VWC2: variants seen among roughly 807,000 people sequenced by gnomAD.
VWC2 encodes the protein von Willebrand factor C domain containing 2.
In VWC2, 14 loss-of-function variants were observed where a neutral mutation model predicts 29.8. That is an observed-to-expected ratio of 0.47 (90% CI 0.31 to 0.74). The LOEUF (loss-of-function observed/expected upper bound fraction) is 0.74, where lower values mean the gene tolerates loss of function less well. Among genes scored for constraint, VWC2 ranks in the 30% least tolerant of loss-of-function variants. The pLI is 0.05. For synonymous variants in VWC2, 213 were observed against 199.0 expected (o/e 1.07, Z -0.59); for missense variants, 457 against 459.8 (o/e 0.99, Z 0.05).
intron 3 of VWC2, among the ~76,000 whole-genome samples, chr7:49,804,331 G>C (rs577695254): frequency 2.1e-4 from 32 of 152,162 alleles, no homozygotes; most frequent in African/African-American, 7.2e-4. Flanking sequence ...GCAGAGTCTC[G>C]GTGTGGCTTT....
In VWC2 at chr7:49,917,806, A is replaced by G. The variant is rs1430636550; in HGVS notation, c.*5621A>G. 6.6e-6 allele frequency: 1 copy of G among 151,296 alleles called. No homozygotes were observed. Among genetic ancestry groups the G allele is most frequent in the Non-Finnish European group, 1.5e-5 (1 of 67,940 alleles). 9.4% of individuals were successfully genotyped at this position (151,296 alleles called of 1,614,324 possible). On this transcript the variant is annotated 3_prime_UTR_variant, in exon 4 of 4. Transcript: ENST00000340652. ...TCTATTATTTGAATTTCTGTAATTT[A>G]TGTTTTAGAAAGAACTGTTTCCAAA... is the stretch of plus-strand genomic sequence containing the variant.
At chr7:49,785,449 G>C (rs946393898) in intron 2 of VWC2, among the ~76,000 whole-genome samples, 1 of 152,160 alleles carries the variant, frequency 6.6e-6, no homozygotes, top group Non-Finnish European at 1.5e-5. Context: ...AGATTGTAGA[G>C]TATGGGAGAA....
At chr7:49,832,073 TC>T (rs1789544883) in intron 3 of VWC2, among the ~76,000 whole-genome samples, 1 of 152,126 alleles carries the variant, frequency 6.6e-6, no homozygotes, top group Non-Finnish European at 1.5e-5. Context: ...GTTCAGTTGA[TC>T]AGTGGGGACA....
chr7:49,830,787 C>T lies in VWC2; in HGVS notation c.826+27947C>T, dbSNP rs181961204. The stretch of plus-strand genomic sequence containing the variant: ...TGTGGTGTTTGGTTTTTTGTCCTTG[C>T]GATAGTTTGCTGAGAATGATGATTT... On this transcript the variant is annotated intron_variant, in intron 3 of 3. Coordinates refer to ENST00000340652, the MANE Select transcript of VWC2 (RefSeq NM_198570.5). Among the ~76,000 whole-genome samples, 21 of 152,106 alleles carry T rather than the reference C, an allele frequency of 1.4e-4. No individual in the cohort carries two copies. The East Asian group carries it at 2.7e-3, about 20-fold the overall frequency.
At chr7:49,893,283 G>C (rs1327623167) in intron 3 of VWC2, among the ~76,000 whole-genome samples, 1 of 152,132 alleles carries the variant, frequency 6.6e-6, no homozygotes, top group African/African-American at 2.4e-5. Flanking sequence ...GTTCCCAGAG[G>C]GCTGGAAGGA....
intron 3 of VWC2, among the ~76,000 whole-genome samples, chr7:49,808,610 G>A (rs1583641915): frequency 6.6e-6 from 1 of 151,982 alleles, no homozygotes; most frequent in South Asian, 2.1e-4. Context: ...GTCTACAGTT[G>A]ACCCTATGCT....
intron 3 of VWC2, among the ~76,000 whole-genome samples, chr7:49,832,379 A>G (rs1291934920): frequency 2.0e-5 from 3 of 152,070 alleles, no homozygotes; most frequent in Non-Finnish European, 4.4e-5. Flanking sequence ...ATAGAACCTC[A>G]TTCTATTTTC....
intron 3 of VWC2, among the ~76,000 whole-genome samples, chr7:49,826,328 T>A (rs970369428): frequency 1.3e-5 from 2 of 152,170 alleles, no homozygotes; most frequent in Admixed American, 6.6e-5. Context: ...CATATAAAAT[T>A]TTGTATCCAA....
At position 49,885,353 on chromosome 7, in the gene VWC2, T is replaced by C. The variant is rs552124591; in HGVS notation, c.827-26681T>C. Among the ~76,000 whole-genome samples the C allele has an allele frequency of 1.4e-4, 21 of 152,160 alleles. No individual in the cohort carries two copies. In the East Asian group the frequency reaches 3.9e-3, roughly 28 times the overall value. ...AAACCACAACCTAATTTTTAAAAAA[T>C]ATCTCTGAAAGTAAAACTATATAAA... On this transcript the variant is annotated intron_variant, in intron 3 of 3. Coordinates refer to ENST00000340652, the MANE Select transcript of VWC2 (RefSeq NM_198570.5).
At chr7:49,826,838 T>C (rs1235097366) in intron 3 of VWC2, among the ~76,000 whole-genome samples, 1 of 152,146 alleles carries the variant, frequency 6.6e-6, no homozygotes, top group East Asian at 1.9e-4. Context: ...CTCTGGCCCC[T>C]GATGGGTGGA....
intron 3 of VWC2, among the ~76,000 whole-genome samples, chr7:49,886,956 ACTTGT>A (rs982188484): frequency 3.3e-5 from 5 of 149,726 alleles, no homozygotes; most frequent in African/African-American, 1.2e-4. Flanking sequence ...TTTTCTTTTG[ACTTGT>A]CTTGTTTGCC....
chr7:49,880,897 C>CT (rs1280907354), intron 3 of VWC2, among the ~76,000 whole-genome samples: 1 of 152,174 alleles, frequency 6.6e-6, no homozygotes, highest in Non-Finnish European at 1.5e-5. Flanking sequence ...GGTTCTCTTA[C>CT]AGAAAAGATT....
rs368586008 is a variant in VWC2 at position 49,916,655 on chromosome 7, A to G, written c.*4470A>G. On this transcript the variant is annotated 3_prime_UTR_variant, in exon 4 of 4. Coordinates refer to ENST00000340652, the MANE Select transcript of VWC2 (RefSeq NM_198570.5). ...AAACATCACCCAATATCTATATGTT[A>G]AAGGCTTGTTGAATTGTATTCCATC... The G allele has an allele frequency of 1.3e-4, 20 of 152,342 alleles. No individual in the cohort carries two copies. In the East Asian group the frequency reaches 1.3e-3, roughly 10 times the overall value. The allele number at this position is 152,342 out of a possible 1,614,324, so 9.4% of individuals were successfully genotyped here.
At chr7:49,803,819 G>A (rs1183868992) in intron 3 of VWC2, among the ~76,000 whole-genome samples, 1 of 152,160 alleles carries the variant, frequency 6.6e-6, no homozygotes. Context: ...TCGAAATTGT[G>A]CGGGCCATGA....
At chr7:49,870,128 C>T (rs1222131375) in intron 3 of VWC2, among the ~76,000 whole-genome samples, 7 of 152,142 alleles carry the variant, frequency 4.6e-5, no homozygotes, top group East Asian at 1.9e-4. Context: ...TCGCTGGGTG[C>T]GGTGGCTCAT....
intron 3 of VWC2, among the ~76,000 whole-genome samples, chr7:49,863,862 T>A (rs866727696): frequency 7.9e-5 from 12 of 152,230 alleles, no homozygotes; most frequent in Non-Finnish European, 1.0e-4. Context: ...CGATTTGAGA[T>A]CCTTTTCTGT....
At chr7:49,792,980 C>T (rs1217440410) in intron 2 of VWC2, among the ~76,000 whole-genome samples, 1 of 152,228 alleles carries the variant, frequency 6.6e-6, no homozygotes, top group East Asian at 1.9e-4. Context: ...AACGCTCGTG[C>T]TTATTCCTTT....
intron 3 of VWC2, among the ~76,000 whole-genome samples, chr7:49,840,098 C>T (rs1789761063): frequency 6.6e-6 from 1 of 152,228 alleles, no homozygotes; most frequent in East Asian, 1.9e-4. Context: ...TTACTTGGCT[C>T]TCACTTTGCA....
chr7:49,883,204 G>C (rs140342986), intron 3 of VWC2, among the ~76,000 whole-genome samples: 1 of 151,994 alleles, frequency 6.6e-6, no homozygotes. Flanking sequence ...CAATGAAGTC[G>C]ACTGACCCGA....
Sources: allele counts gnomAD v4.1 joint callset (sites outside exome capture counted in the v4.1 genomes callset), GRCh38; gene constraint gnomAD v4.1.1; transcripts MANE v1.5; gene names NCBI Gene and HGNC (gene_info 2026-07-23, HGNC 2026-07-21).